The following GLB1 variants were observed in gnomAD, a reference collection of about 807,000 sequenced individuals.
GLB1 encodes the protein galactosidase beta 1.
Under a neutral mutation model 74.0 loss-of-function variants are expected in GLB1, and 56 were observed. The ratio of observed to expected loss-of-function variants is 0.76; its 90% CI spans 0.61 to 0.94. The LOEUF (loss-of-function observed/expected upper bound fraction) is 0.94. Ranked by LOEUF, GLB1 falls within the 40% of genes least tolerant of loss-of-function variation. The probability of loss-of-function intolerance (pLI) is 0.00; values close to 1 mark genes in which losing one functional copy is unlikely to be tolerated. For synonymous variants in GLB1, 323 were observed against 323.6 expected, an observed-to-expected ratio of 1.00 and a Z score of 0.02; for missense variants, 787 against 845.5, an observed-to-expected ratio of 0.93 and a Z score of 0.86.
intron 5 of GLB1, among the ~76,000 whole-genome samples, chr3:33,064,845 T>C (rs1035582899): frequency 2.5e-4 from 38 of 151,264 alleles, no homozygotes; most frequent in African/African-American, 8.0e-4. Flanking sequence ...CATGGTTTTA[T>C]GTTTCACCTA....
chr3:33,026,179 T>G (rs1194527686), intron 10 of GLB1, among the ~76,000 whole-genome samples: 3 of 151,854 alleles, frequency 2.0e-5, no homozygotes, highest in Non-Finnish European at 2.9e-5. Context: ...TCCAGGAAGG[T>G]CCCCCTCCCC....
rs1238912483 is a variant in GLB1 at position 32,997,144 on chromosome 3, G to T, written c.1935C>A (p.Gly645=). 1.9e-6 allele frequency: 3 copies of T among 1,614,150 alleles called. No individual in the cohort carries two copies. The highest frequency in any genetic ancestry group is 1.7e-6 in the Non-Finnish European group (2 of 1,180,034). ...AGGGATGATCGTAGGTCACAGATGA[G>T]CCAATAACTGGCCTGTCCACGAACG... The part of the protein sequence containing the change: ...AVTFVDRPVI[G]SSVTYDHPSK... Residue 645 remains glycine (G), a synonymous_variant, in exon 16 of 16, where the codon GGC becomes GGA. Transcript: ENST00000307363.
chr3:32,989,233 C>T, the GLB1 span, among the ~76,000 whole-genome samples: 4 of 152,180 alleles, frequency 2.6e-5, no homozygotes, highest in African/African-American at 9.7e-5. Context: ...CTTCTCTGCC[C>T]TCTCTCATGT....
the GLB1 span, among the ~76,000 whole-genome samples, chr3:32,972,376 C>T: frequency 2.0e-5 from 3 of 152,070 alleles, no homozygotes; most frequent in Admixed American, 6.6e-5. Context: ...TGATAATGGC[C>T]GAGCTGTCAT....
At chr3:32,977,154 C>A in the GLB1 span, among the ~76,000 whole-genome samples, 1 of 151,844 alleles carries the variant, frequency 6.6e-6, no homozygotes, top group Non-Finnish European at 1.5e-5. Context: ...AGAAAGTGAG[C>A]CTTCCAGGTG....
chr3:33,041,287 GAGTAC>G (rs373858543), intron 10 of GLB1, among the ~76,000 whole-genome samples: 16 of 152,334 alleles, frequency 1.1e-4, no homozygotes, highest in Non-Finnish European at 2.1e-4. Flanking sequence ...GAGAGTGACA[GAGTAC>G]AGTAAACTGA....
At chr3:33,068,783 A>T (rs1412279557) in intron 3 of GLB1, 37 bp downstream of exon 3, 2 of 1,612,848 alleles carry the variant, frequency 1.2e-6, no homozygotes, top group Non-Finnish European at 1.7e-6. Flanking sequence ...CTGCCAGCTC[A>T]CACACACCAG....
At chr3:32,982,394 C>A in the GLB1 span, among the ~76,000 whole-genome samples, 1 of 151,280 alleles carries the variant, frequency 6.6e-6, no homozygotes, top group Non-Finnish European at 1.5e-5. Context: ...TCATTCCTTG[C>A]CTTTTTGGGG....
chr3:33,067,251 C>T (rs1190430718), intron 4 of GLB1, among the ~76,000 whole-genome samples: 5 of 152,176 alleles, frequency 3.3e-5, no homozygotes, highest in Non-Finnish European at 5.9e-5. Context: ...GATCCACCCA[C>T]CTCGGCCTCC....
chr3:33,016,703 T>C lies in GLB1; in HGVS notation c.1479+6A>G. 1.9e-6 allele frequency: 3 copies of C among 1,613,718 alleles called. No individual in the cohort carries two copies. Among genetic ancestry groups the C allele is most frequent in the Non-Finnish European group, 2.5e-6 (3 of 1,179,702 alleles). ...ACCTTAGTCTTGACAGTGTGGTTTG[T>C]CCTACCTTAAAATCGTTGATATATG... is the stretch of plus-strand genomic sequence containing the variant. On this transcript the variant is annotated splice_donor_region_variant and intron_variant, in intron 14 of 15. Transcript: ENST00000307363.
chr3:33,006,007 C>T (rs1696772951), intron 15 of GLB1, among the ~76,000 whole-genome samples: 1 of 152,230 alleles, frequency 6.6e-6, no homozygotes, highest in Non-Finnish European at 1.5e-5. Context: ...CACTATCCCA[C>T]TCACACCATG....
At chr3:32,980,457 C>G in the GLB1 span, among the ~76,000 whole-genome samples, 301 of 152,334 alleles carry the variant, frequency 2.0e-3, 1 homozygote, top group African/African-American at 6.6e-3. Flanking sequence ...TTAGCTGTAT[C>G]TCATGAGTTT....
the GLB1 span, among the ~76,000 whole-genome samples, chr3:32,990,328 C>T: frequency 6.6e-6 from 1 of 152,224 alleles, no homozygotes; most frequent in Non-Finnish European, 1.5e-5. Context: ...CTGGATTCAG[C>T]ATGCTCACAG....
At chr3:33,007,025 G>A (rs1354874475) in intron 15 of GLB1, among the ~76,000 whole-genome samples, 1 of 152,190 alleles carries the variant, frequency 6.6e-6, no homozygotes, top group Non-Finnish European at 1.5e-5. Context: ...AGTGGGATCT[G>A]CCTGTTCTGA....
At chr3:33,080,828 C>T (rs879169998) in intron 1 of GLB1, among the ~76,000 whole-genome samples, 6 of 152,286 alleles carry the variant, frequency 3.9e-5, no homozygotes, top group East Asian at 3.9e-4. Flanking sequence ...ACCCAAAGTA[C>T]GACCTTGATA....
Position 33,008,037 on chromosome 3 carries a change from G to A in GLB1, c.1734+6019C>T, listed in dbSNP as rs996375213. Among the ~76,000 whole-genome samples, 14 of 152,284 alleles carry A rather than the reference G, an allele frequency of 9.2e-5. No individual in the cohort carries two copies. The South Asian group carries it at 1.2e-3, about 14-fold the overall frequency. On this transcript the variant is annotated intron_variant, in intron 15 of 15. Coordinates refer to ENST00000307363, the MANE Select transcript of GLB1 (RefSeq NM_000404.4). Reference sequence around the variant, plus strand: ...CACAGGTGCCTCTTTTGATGGCTACGGAGATAGTGTCTATAAAGCGTTGAG... The same window carrying A: ...CACAGGTGCCTCTTTTGATGGCTACAGAGATAGTGTCTATAAAGCGTTGAG...
the GLB1 span, among the ~76,000 whole-genome samples, chr3:32,990,137 C>A: frequency 1.3e-4 from 20 of 152,312 alleles, no homozygotes; most frequent in African/African-American, 4.8e-4. Flanking sequence ...GTACATGCCA[C>A]CAATTTCTGG....
At chr3:33,005,335 T>C (rs1696742269) in intron 15 of GLB1, among the ~76,000 whole-genome samples, 1 of 152,088 alleles carries the variant, frequency 6.6e-6, no homozygotes, top group Non-Finnish European at 1.5e-5. Context: ...TATCAATCCC[T>C]CTGCACAAAA....
At position 33,052,148 on chromosome 3, in the gene GLB1, G is replaced by C. The variant is rs570589817; in HGVS notation, c.793-144C>G. 12 of 1,407,352 alleles carry C rather than the reference G, an allele frequency of 8.5e-6. No individual in the cohort carries two copies. The South Asian group carries it at 1.4e-4, about 16-fold the overall frequency. 87.2% of individuals were successfully genotyped at this position (1,407,352 alleles called of 1,614,324 possible). A position where few individuals can be genotyped will look rare whatever the true frequency, so the allele number is the denominator to read the frequency against. On this transcript the variant is annotated intron_variant, in intron 7 of 15. Transcript: ENST00000307363. ...GCTTAACCCAGAGACGCCCCCCAGTGAGCACTTCCAATACCAGCAATGCCT... is the reference window on the plus strand; with the variant it reads ...GCTTAACCCAGAGACGCCCCCCAGTCAGCACTTCCAATACCAGCAATGCCT...
Sources: allele counts gnomAD v4.1 joint callset (sites outside exome capture counted in the v4.1 genomes callset), GRCh38; gene constraint gnomAD v4.1.1; transcripts MANE v1.5; gene names NCBI Gene and HGNC (gene_info 2026-07-23, HGNC 2026-07-21).